Variants in KMT5B observed in about 807,000 individuals in gnomAD.
KMT5B encodes the protein histone-lysine N-methyltransferase KMT5B.
KMT5B carries 10 observed loss-of-function variants against 83.2 expected under a neutral mutation model. The observed-to-expected ratio is 0.12, with a 90% confidence interval of 0.07 to 0.20. KMT5B has a LOEUF of 0.20. Ranked by LOEUF, KMT5B falls within the 10% of genes least tolerant of loss-of-function variation. The pLI, the probability that KMT5B is intolerant of heterozygous loss-of-function variation, is 1.00. For missense variants in KMT5B, 753 were observed against 1,067.2 expected (o/e 0.71, Z 4.10); for synonymous variants, 349 against 388.8 (o/e 0.90, Z 1.20).
At chr11:68,186,090 C>G (rs1857412617) in intron 2 of KMT5B, among the ~76,000 whole-genome samples, 162 bp from the exon 3 acceptor site, 1 of 152,030 alleles carries the variant, frequency 6.6e-6, no homozygotes, top group Admixed American at 6.5e-5. Context: ...GACAGAAAAC[C>G]AAATGCAGTA....
At chr11:68,166,891 T>C in intron 10 of KMT5B, 91 bp downstream of exon 10, 1 of 1,538,934 alleles carries the variant, frequency 6.5e-7, no homozygotes, top group East Asian at 2.4e-5. Flanking sequence ...TCTGAGTATT[T>C]AAAAGTTTAA....
chr11:68,204,474 G>A (rs1859826818), intron 1 of KMT5B, among the ~76,000 whole-genome samples: 1 of 152,152 alleles, frequency 6.6e-6, no homozygotes, highest in Non-Finnish European at 1.5e-5. Context: ...CACAGGTGAG[G>A]GAATGCTGCA....
chr11:68,158,944 T>C lies in KMT5B; in HGVS notation c.1402A>G (p.Arg468Gly). 6.2e-7 allele frequency: 1 copy of C among 1,613,738 alleles called. No individual in the cohort carries two copies. The highest frequency in any genetic ancestry group is 8.5e-7 in the Non-Finnish European group (1 of 1,179,964). ...CKRLEQKNAS[R>G]KLEMGNLVLK... The stretch of plus-strand genomic sequence containing the variant: ...ACTAAGTTTCCCATTTCGAGTTTTC[T>C]TGAAGCATTCTTTTGCTCCAGCCGC... The change falls in exon 11 of 11, where the codon AGA becomes GGA. Residue 468 changes from arginine to glycine, a missense_variant. Coordinates refer to ENST00000304363, the MANE Select transcript of KMT5B (RefSeq NM_017635.5).
chr11:68,189,905 G>A lies in KMT5B; in HGVS notation c.160+12C>T. The A allele has an allele frequency of 6.2e-7, 1 of 1,611,674 alleles. No homozygotes were observed. The highest frequency in any genetic ancestry group is 8.5e-7 in the Non-Finnish European group (1 of 1,178,936). ...CACAATCAGAACATTGAAGGTTTAA[G>A]TGTGTACATACATCTGTTCGACCTC... On this transcript the variant is annotated intron_variant, in intron 2 of 10. Transcript: ENST00000304363.
chr11:68,189,444 A>G (rs1857801917), intron 2 of KMT5B, among the ~76,000 whole-genome samples: 1 of 152,240 alleles, frequency 6.6e-6, no homozygotes, highest in South Asian at 2.1e-4. Flanking sequence ...AATTGCTATG[A>G]TTTGTGAGGC....
At chr11:68,191,172 T>TC (rs1246425858) in intron 1 of KMT5B, among the ~76,000 whole-genome samples, 1 of 125,928 alleles carries the variant, frequency 7.9e-6, no homozygotes, top group Non-Finnish European at 1.6e-5. Context: ...ATTTTAAAAC[T>TC]TTGTGTGTGT....
chr11:68,213,469 G>T, upstream of KMT5B: 1 of 148,666 alleles, frequency 6.7e-6, no homozygotes, highest in South Asian at 1.8e-4. Flanking sequence ...CGCCACCCGG[G>T]GCCTCACCTC....
At chr11:68,203,260 C>T (rs1859681904) in intron 1 of KMT5B, among the ~76,000 whole-genome samples, 1 of 152,244 alleles carries the variant, frequency 6.6e-6, no homozygotes, top group East Asian at 1.9e-4. Flanking sequence ...AGGCGTGAGG[C>T]ACCGCACCCG....
intron 5 of KMT5B, among the ~76,000 whole-genome samples, chr11:68,174,371 G>T (rs537662240): frequency 6.6e-6 from 1 of 152,226 alleles, no homozygotes; most frequent in South Asian, 2.1e-4. Context: ...ATCCTCCCAT[G>T]AGCATTTCCT....
intron 3 of KMT5B, among the ~76,000 whole-genome samples, chr11:68,182,313 T>C (rs1488195827): frequency 5.3e-5 from 8 of 152,206 alleles, no homozygotes; most frequent in Admixed American, 2.6e-4. Flanking sequence ...AAGTGTAGTC[T>C]GGGAGCTTGT....
Position 68,171,603 on chromosome 11 carries a change from A to G in KMT5B, c.760T>C (p.Tyr254His), listed in dbSNP as rs1269181626. The G allele has an allele frequency of 6.2e-7, 1 of 1,614,146 alleles. No individual in the cohort carries two copies. Among genetic ancestry groups the G allele is most frequent in the Non-Finnish European group, 8.5e-7 (1 of 1,179,998 alleles). ...TGAGCACAGTTTTTCCTTGTGGAGT[A>G]CATGACACTGAAGTCGTTTTCTCCA... ...RHGENDFSVM[Y>H]STRKNCAQLW... Residue 254 changes from tyrosine (Y) to histidine (H), a missense_variant, in exon 7 of 11, where the codon TAC becomes CAC. Tyr to His is a moderately conservative substitution (Grantham distance 83). Coordinates refer to ENST00000304363, the MANE Select transcript of KMT5B (RefSeq NM_017635.5). This position sits in a 1 kb window ranked among gnomAD's most constrained non-coding sequence, Gnocchi z 5.1.
Position 68,158,360 on chromosome 11 carries a change from A to G in KMT5B, c.1986T>C (p.Pro662=). Reference sequence around the variant, plus strand: ...AAGGAGCACAGTCTGTGTAGCTCACAGGCACGCCCACAGTGCCACTGTGCT... The same window carrying G: ...AAGGAGCACAGTCTGTGTAGCTCACGGGCACGCCCACAGTGCCACTGTGCT... The part of the protein sequence containing the change: ...QGEHSGTVGV[P]VSYTDCAPSP... The change falls in exon 11 of 11, where the codon CCT becomes CCC. Residue 662 remains proline, a synonymous_variant. Transcript: ENST00000304363. 16 of 1,614,166 alleles carry G rather than the reference A, an allele frequency of 9.9e-6. No homozygotes were observed. Among genetic ancestry groups the G allele is most frequent in the Non-Finnish European group, 1.4e-5 (16 of 1,179,998 alleles).
intron 1 of KMT5B, among the ~76,000 whole-genome samples, chr11:68,190,716 G>A (rs1191926327): frequency 5.3e-5 from 8 of 152,208 alleles, no homozygotes; most frequent in Admixed American, 5.2e-4. Context: ...GAGCACAGTG[G>A]CTCATGCCTG....
chr11:68,168,384 G>A (rs1248987129), intron 9 of KMT5B, among the ~76,000 whole-genome samples: 3 of 148,424 alleles, frequency 2.0e-5, no homozygotes, highest in Non-Finnish European at 4.4e-5. Context: ...CACCCAAGCT[G>A]GAGTGCAGTG....
chr11:68,157,826 G>A lies in KMT5B; in HGVS notation c.2520C>T (p.Asp840=). ...SSSEGDEEED[D]YDDDFEDDFI... ...AATCGTCTTCAAAGTCATCATCATA[G>A]TCATCCTCCTCTTCATCGCCCTCAG... is the stretch of plus-strand genomic sequence containing the variant. The change falls in exon 11 of 11, where the codon GAC becomes GAT. Residue 840 remains aspartate (D), a synonymous_variant. Transcript: ENST00000304363. 1.2e-6 allele frequency: 2 copies of A among 1,614,100 alleles called. No homozygotes were observed. The highest frequency in any genetic ancestry group is 2.2e-5 in the East Asian group (1 of 44,888).
In KMT5B at chr11:68,199,960, G is replaced by A. The variant is rs191931334; in HGVS notation, c.-76-9808C>T. On this transcript the variant is annotated intron_variant, in intron 1 of 10. Coordinates refer to ENST00000304363, the MANE Select transcript of KMT5B (RefSeq NM_017635.5). The stretch of plus-strand genomic sequence containing the variant: ...CTATAGGAAGATTGGCTTCCGCAAG[G>A]ACTGCGGTGTGGGAATTTGGTTTTG... Among the ~76,000 whole-genome samples, 73 of 152,316 alleles carry A rather than the reference G, an allele frequency of 4.8e-4. 1 individual carries two copies. Among genetic ancestry groups the A allele is most frequent in the Non-Finnish European group, 6.2e-4 (42 of 68,030 alleles).
At position 68,158,140 on chromosome 11, in the gene KMT5B, C is replaced by A; in HGVS notation, c.2206G>T (p.Asp736Tyr). The change falls in exon 11 of 11, where the codon GAT becomes TAT. Residue 736 changes from aspartate (D) to tyrosine (Y), a missense_variant. By Grantham distance (160) the Asp-to-Tyr change is radical. This residue lies in a region of KMT5B where 161 missense variants were observed against 195.1 expected (regional missense o/e 0.83). Transcript: ENST00000304363. ...CTTATTTTGGAAGAGTTCATTCCAT[C>A]ATTCTCTTGGTCATTTGTTTTGCTG... is the stretch of plus-strand genomic sequence containing the variant. ...SSSKTNDQEN[D>Y]GMNSSKISIK... 6.2e-7 allele frequency: 1 copy of A among 1,614,186 alleles called. No individual in the cohort carries two copies. Among genetic ancestry groups the A allele is most frequent in the Middle Eastern group, 1.6e-4 (1 of 6,062 alleles).
chr11:68,210,709 T>C (rs1213235306), intron 1 of KMT5B, among the ~76,000 whole-genome samples: 1 of 152,136 alleles, frequency 6.6e-6, no homozygotes, highest in African/African-American at 2.4e-5. Flanking sequence ...AGACACATAA[T>C]GGATCACCCC....
intron 1 of KMT5B, among the ~76,000 whole-genome samples, chr11:68,201,918 CAAAAAA>C (rs779662280): frequency 1.2e-5 from 1 of 82,938 alleles, no homozygotes; most frequent in East Asian, 3.3e-4. Context: ...CAGTCTCTAC[CAAAAAA>C]AAAAAAAAAA....
Sources: allele counts gnomAD v4.1 joint callset (sites outside exome capture counted in the v4.1 genomes callset), GRCh38; gene constraint gnomAD v4.1.1; regional missense constraint gnomAD v4.1.1; non-coding constraint Gnocchi (gnomAD v3.1); transcripts MANE v1.5; gene names NCBI Gene and HGNC (gene_info 2026-07-23, HGNC 2026-07-21).